RANBP2: variants seen among roughly 807,000 people sequenced by gnomAD.
RANBP2 encodes the protein RAN binding protein 2.
In RANBP2, 57 loss-of-function variants were observed where a neutral mutation model predicts 303.6. The observed-to-expected ratio is 0.19, with a 90% CI of 0.15 to 0.23. The LOEUF is 0.23. Ranked by LOEUF, RANBP2 falls within the 10% of genes least tolerant of loss-of-function variation. The pLI is 1.00. For missense variants in RANBP2, 3,138 were observed against 3,780.8 expected (o/e 0.83, Z 4.46); for synonymous variants, 1,167 against 1,301.5 (o/e 0.90, Z 2.23).
At chr2:109,671,790 T>C in the RANBP2 span, among the ~76,000 whole-genome samples, 1 of 151,984 alleles carries the variant, frequency 6.6e-6, no homozygotes, top group African/African-American at 2.4e-5. Context: ...ATTTAAGGGG[T>C]GTCTATCTTT....
At chr2:109,148,912 A>G in the RANBP2 span, among the ~76,000 whole-genome samples, 1 of 152,128 alleles carries the variant, frequency 6.6e-6, no homozygotes, top group African/African-American at 2.4e-5. Flanking sequence ...GTTTTACCCA[A>G]AAAAAATCAA....
At chr2:109,737,575 T>C in the RANBP2 span, 63 of 414,518 alleles carry the variant, frequency 1.5e-4, no homozygotes, top group East Asian at 3.3e-4. Flanking sequence ...GATTTTCTTT[T>C]CTTTGGATGT....
At chr2:108,805,817 A>T in the RANBP2 span, among the ~76,000 whole-genome samples, 1 of 151,780 alleles carries the variant, frequency 6.6e-6, no homozygotes, top group Non-Finnish European at 1.5e-5. Context: ...TTTTCCTTCC[A>T]TCTGCCAGTT....
the RANBP2 span, among the ~76,000 whole-genome samples, chr2:109,159,678 C>T: frequency 1.3e-5 from 2 of 152,186 alleles, no homozygotes; most frequent in Non-Finnish European, 2.9e-5. Flanking sequence ...GCGAGCAAAG[C>T]TATAGCTGTA....
At chr2:109,606,113 G>A in the RANBP2 span, among the ~76,000 whole-genome samples, 1 of 152,216 alleles carries the variant, frequency 6.6e-6, no homozygotes, top group Non-Finnish European at 1.5e-5. Context: ...CATGGGCTGG[G>A]AGAATAAAAT....
chr2:109,501,735 C>G, the RANBP2 span: 1 of 695,902 alleles, frequency 1.4e-6, no homozygotes, highest in Admixed American at 2.0e-5. Context: ...CCACGGCACA[C>G]AGAGAGGGAG....
the RANBP2 span, among the ~76,000 whole-genome samples, chr2:109,418,133 A>G: frequency 1.2e-3 from 181 of 152,194 alleles, no homozygotes; most frequent in African/African-American, 4.3e-3. Context: ...CCTTTGGCCG[A>G]GGTACCTGCA....
the RANBP2 span, among the ~76,000 whole-genome samples, chr2:109,649,390 A>ATTTCTT: frequency 6.6e-6 from 1 of 151,774 alleles, no homozygotes; most frequent in Non-Finnish European, 1.5e-5. Context: ...GGTATTATGA[A>ATTTCTT]TTTCTTTTTC....
At chr2:108,742,122 G>A (rs1226694846) in intron 7 of RANBP2, among the ~76,000 whole-genome samples, 1 of 149,598 alleles carries the variant, frequency 6.7e-6, no homozygotes, top group Non-Finnish European at 1.5e-5. Flanking sequence ...TCAGCCTCCC[G>A]AGTAGCTGGG....
chr2:108,723,545 G>A (rs1694454074), intron 1 of RANBP2, among the ~76,000 whole-genome samples: 1 of 151,982 alleles, frequency 6.6e-6, no homozygotes, highest in Non-Finnish European at 1.5e-5. Context: ...AAAGTGCCGG[G>A]GTTACAGGCG....
the RANBP2 span, among the ~76,000 whole-genome samples, chr2:109,059,663 C>T: frequency 6.6e-6 from 1 of 152,334 alleles, no homozygotes; most frequent in African/African-American, 2.4e-5. Context: ...ACTGCCTCTC[C>T]TCTGGCACTG....
chr2:108,754,756 TAAAA>T lies in RANBP2; in HGVS notation c.2203-146_2203-143del, dbSNP rs1376298537. The T allele has an allele frequency of 4.9e-6, 6 of 1,233,618 alleles. 1 individual carries two copies. The highest frequency in any genetic ancestry group is 5.0e-5 in the East Asian group (2 of 39,614). The allele number at this position is 1,233,618 out of a possible 1,614,324, so 76.4% of individuals were successfully genotyped here. A position where few individuals can be genotyped will look rare whatever the true frequency, so the allele number is the denominator to read the frequency against. ...ACAACAGAAAAAGAAAAAAGATAAT[TAAAA>T]AACACTTTCACGTGTATTATTTAAA... On this transcript the variant is annotated intron_variant, in intron 15 of 28. Coordinates refer to ENST00000283195, the MANE Select transcript of RANBP2 (RefSeq NM_006267.5).
chr2:109,232,479 G>T, the RANBP2 span, among the ~76,000 whole-genome samples: 1 of 152,156 alleles, frequency 6.6e-6, no homozygotes, highest in Non-Finnish European at 1.5e-5. Context: ...CACCTGTCCC[G>T]TAGGGTGCTT....
chr2:109,718,522 A>G, the RANBP2 span, among the ~76,000 whole-genome samples: 3 of 152,190 alleles, frequency 2.0e-5, no homozygotes, highest in Admixed American at 6.5e-5. Context: ...GCAAATCTGT[A>G]GAGTAGATTT....
the RANBP2 span, among the ~76,000 whole-genome samples, chr2:109,402,236 G>C: frequency 3.3e-5 from 5 of 152,254 alleles, no homozygotes; most frequent in African/African-American, 4.8e-5. Flanking sequence ...CGTCTGACCA[G>C]GAAGTGCCTG....
intron 4 of RANBP2, among the ~76,000 whole-genome samples, chr2:108,733,772 G>A (rs1401537132): frequency 6.6e-6 from 1 of 151,934 alleles, no homozygotes; most frequent in East Asian, 1.9e-4. Context: ...AGTGTAACAA[G>A]TTAGATACTT....
the RANBP2 span, among the ~76,000 whole-genome samples, chr2:109,377,800 C>G: frequency 3.5e-3 from 539 of 152,284 alleles, no homozygotes; most frequent in Non-Finnish European, 6.8e-3. Flanking sequence ...TCCTCCTGCT[C>G]CTGTAGCACC....
chr2:109,452,619 G>T, the RANBP2 span, among the ~76,000 whole-genome samples: 16 of 152,288 alleles, frequency 1.1e-4, no homozygotes, highest in African/African-American at 3.6e-4. Context: ...GGAGATTTAC[G>T]CGCCATATCC....
the RANBP2 span, among the ~76,000 whole-genome samples, chr2:109,094,145 C>G: frequency 6.6e-6 from 1 of 152,138 alleles, no homozygotes; most frequent in South Asian, 2.1e-4. Context: ...GAAGCAAGCT[C>G]TTGGCCACCT....
Sources: allele counts gnomAD v4.1 joint callset (sites outside exome capture counted in the v4.1 genomes callset), GRCh38; gene constraint gnomAD v4.1.1; transcripts MANE v1.5; gene names NCBI Gene and HGNC (gene_info 2026-07-23, HGNC 2026-07-21).